The following NLRP9 variants were observed in gnomAD, a reference collection of about 807,000 sequenced individuals.
The protein encoded by NLRP9 is NLR family pyrin domain containing 9, also known as NACHT, LRR and PYD domains-containing protein 9.
A neutral mutation model predicts 83.1 loss-of-function variants in NLRP9; 88 were observed. The observed-to-expected ratio is 1.06, with a 90% CI of 0.89 to 1.26. The LOEUF (loss-of-function observed/expected upper bound fraction) is 1.26. Ranked by LOEUF, NLRP9 falls within the 50% of genes most tolerant of loss-of-function variation. The pLI is 0.00. For missense variants in NLRP9, 1,308 were observed against 1,179.3 expected (o/e 1.11, Z -1.60); for synonymous variants, 521 against 447.6 (o/e 1.16, Z -2.07).
intron 8 of NLRP9, chr19:55,711,533 G>C: frequency 8.1e-7 from 1 of 1,236,832 alleles, no homozygotes; most frequent in Non-Finnish European, 1.1e-6. Context: ...GTCTCCGAGG[G>C]ACTTCTGACA....
rs563979598 is a variant in NLRP9 at position 55,717,112 on chromosome 19, C to A, written c.2160-214G>T. On this transcript the variant is annotated intron_variant, in intron 4 of 8. Coordinates refer to ENST00000332836, the MANE Select transcript of NLRP9 (RefSeq NM_176820.4). ...GCAGTGGTGCGATCTCGGCTCACCG[C>A]AACCTCCACCTCCCGGGTTCAAATG... 2.6e-5 allele frequency among the ~76,000 whole-genome samples: 4 copies of A among 151,554 alleles called. No homozygotes were observed. The East Asian group carries it at 7.8e-4, about 29-fold the overall frequency.
chr19:55,729,100 G>GTCC (rs1988493490), intron 3 of NLRP9, among the ~76,000 whole-genome samples: 1 of 60,382 alleles, frequency 1.7e-5, no homozygotes, highest in Non-Finnish European at 3.1e-5. Context: ...TTTTCTGTCT[G>GTCC]TCCTCAGCAC....
At chr19:55,721,386 G>C (rs374917705) in intron 4 of NLRP9, among the ~76,000 whole-genome samples, 5 of 152,244 alleles carry the variant, frequency 3.3e-5, no homozygotes, top group African/African-American at 1.2e-4. Context: ...ATTAAGGTGT[G>C]GTATCCATAA....
chr19:55,715,543 G>A (rs1987975565), intron 5 of NLRP9, among the ~76,000 whole-genome samples: 1 of 152,142 alleles, frequency 6.6e-6, no homozygotes, highest in South Asian at 2.1e-4. Context: ...AATTAGCCAG[G>A]CATGGTGACG....
rs200243299 is a variant in NLRP9 at position 55,729,976 on chromosome 19, C to T, written c.1849G>A (p.Val617Ile). The T allele has an allele frequency of 1.0e-4, 164 of 1,612,858 alleles. No homozygotes were observed. The highest frequency in any genetic ancestry group is 2.8e-4 in the Admixed American group (17 of 59,650). ...ATTGAGCAAAGCTCCCGCCAGTAGACGAGCTTCTCATTGTAACTATGAGAG... is the reference window on the plus strand; with the variant it reads ...ATTGAGCAAAGCTCCCGCCAGTAGATGAGCTTCTCATTGTAACTATGAGAG... The part of the protein sequence containing the change: ...GCISDYNEKL[V>I]YWRELCSMFI... Residue 617 changes from valine (V) to isoleucine (I), a missense_variant, in exon 3 of 9, where the codon GTC (valine) becomes ATC (isoleucine). Physicochemically the swap from Val to Ile is conservative, Grantham distance 29 (BLOSUM62 3). Transcript: ENST00000332836.
In NLRP9 at chr19:55,711,626, A is replaced by T; in HGVS notation, c.2843+174T>A. On this transcript the variant is annotated intron_variant, in intron 8 of 8. Transcript: ENST00000332836. ...AGAAAGGCCGAGAATGTTGCTTGAC[A>T]TCTTACAATGTCAATGGTTTTTATA... The T allele has an allele frequency of 3.4e-6, 3 of 878,180 alleles. No individual in the cohort carries two copies. The South Asian group carries it at 4.4e-5, about 13-fold the overall frequency. The allele number at this position is 878,180 out of a possible 1,614,324, so 54.4% of individuals were successfully genotyped here.
chr19:55,737,785 T>C (rs1988825020), intron 1 of NLRP9, among the ~76,000 whole-genome samples: 1 of 142,902 alleles, frequency 7.0e-6, no homozygotes, highest in Admixed American at 7.0e-5. Flanking sequence ...ATACTAGAAT[T>C]CCATCTCAGT....
intron 3 of NLRP9, 23 bp from the exon 4 acceptor site, chr19:55,724,167 TA>T: frequency 6.5e-7 from 1 of 1,535,104 alleles, no homozygotes; most frequent in African/African-American, 1.4e-5. Context: ...AAAAAAAAAA[TA>T]GCATCATGCA....
chr19:55,730,455 G>GAA (rs748459490), intron 2 of NLRP9, among the ~76,000 whole-genome samples: 4,306 of 115,356 alleles, frequency 0.037, 66 homozygotes, highest in African/African-American at 0.042. Context: ...CCTGCCTCAA[G>GAA]AAAAAAAAAA....
At chr19:55,719,855 T>C (rs1448998622) in intron 4 of NLRP9, among the ~76,000 whole-genome samples, 3 of 151,744 alleles carry the variant, frequency 2.0e-5, no homozygotes, top group Non-Finnish European at 2.9e-5. Context: ...CCACACACAA[T>C]GGGGGTGGGA....
In NLRP9 at chr19:55,712,429, T is replaced by A. The variant is rs373990608; in HGVS notation, c.2663A>T (p.Glu888Val). Residue 888 changes from glutamate to valine, a missense_variant, in exon 7 of 9, where the codon GAG becomes GTG. Coordinates refer to ENST00000332836, the MANE Select transcript of NLRP9 (RefSeq NM_176820.4). The part of the protein sequence containing the change: ...AALQHPHCKL[E>V]CLGLQTCPIT... Reference sequence around the variant, plus strand: ...ATCAGTAGATACTCACCCGAGACACTCTAATTTACAGTGAGGATGCTGCAA... The same window carrying A: ...ATCAGTAGATACTCACCCGAGACACACTAATTTACAGTGAGGATGCTGCAA... The A allele has an allele frequency of 3.3e-5, 53 of 1,612,272 alleles. No individual in the cohort carries two copies. Among genetic ancestry groups the A allele is most frequent in the Non-Finnish European group, 4.2e-5 (49 of 1,179,558 alleles).
chr19:55,711,568 C>G (rs1987726934), intron 8 of NLRP9: 1 of 1,026,442 alleles, frequency 9.7e-7, no homozygotes, highest in Non-Finnish European at 1.4e-6. Context: ...TTTTGATTGT[C>G]ACAACTGAGG....
At chr19:55,711,441 G>A (rs1987719971) in intron 8 of NLRP9, 39 of 1,302,340 alleles carry the variant, frequency 3.0e-5, no homozygotes, top group Non-Finnish European at 3.9e-5. Flanking sequence ...CCCTTCTGAA[G>A]TCTGAGCTGG....
chr19:55,714,104 T>C (rs994036218), intron 6 of NLRP9, among the ~76,000 whole-genome samples: 2 of 151,372 alleles, frequency 1.3e-5, no homozygotes, highest in African/African-American at 4.9e-5. Flanking sequence ...GGAACAGGGA[T>C]GTTAGAATGC....
At chr19:55,711,154 A>G (rs1987703091) in intron 8 of NLRP9, among the ~76,000 whole-genome samples, 1 of 152,190 alleles carries the variant, frequency 6.6e-6, no homozygotes, top group Admixed American at 6.5e-5. Flanking sequence ...TCTTAGAGAC[A>G]CTAGCATAAT....
chr19:55,724,081 A>C lies in NLRP9; in HGVS notation c.2058T>G (p.His686Gln). The change falls in exon 4 of 9, where the codon CAT (histidine) becomes CAG (glutamine). Residue 686 changes from histidine (H) to glutamine (Q), a missense_variant. Physicochemically the swap from His to Gln is conservative, Grantham distance 24. Coordinates refer to ENST00000332836, the MANE Select transcript of NLRP9 (RefSeq NM_176820.4). ...TGCCGTACAGGCTCAGAAGTTTCAGATGAGGGTTGTGAAGAACTGCCTTAA... is the reference window on the plus strand; with the variant it reads ...TGCCGTACAGGCTCAGAAGTTTCAGCTGAGGGTTGTGAAGAACTGCCTTAA... ...ELFKAVLHNP[H>Q]LKLLSLYGTS... 1 of 1,613,708 alleles carries C rather than the reference A, an allele frequency of 6.2e-7. No individual in the cohort carries two copies. The highest frequency in any genetic ancestry group is 2.2e-5 in the East Asian group (1 of 44,880).
At position 55,711,841 on chromosome 19, in the gene NLRP9, ACACAGCACCACCACTG is replaced by A; in HGVS notation, c.2786_2801del (p.Ala929ValfsTer4). Reference sequence around the variant, plus strand: ...CACAGTCCGGGTGGCTCAATGCCTCACACAGCACCACCACTGCATCAGCATCCAAGGCAATCCAGTC... The same window carrying A: ...CACAGTCCGGGTGGCTCAATGCCTCACATCAGCATCCAAGGCAATCCAGTC... On this transcript the variant is annotated frameshift_variant, in exon 8 of 9. Coordinates refer to ENST00000332836, the MANE Select transcript of NLRP9 (RefSeq NM_176820.4). LOFTEE classifies it low-confidence loss of function (END_TRUNC). The A allele has an allele frequency of 6.2e-7, 1 of 1,613,354 alleles. No individual in the cohort carries two copies. Among genetic ancestry groups the A allele is most frequent in the Non-Finnish European group, 8.5e-7 (1 of 1,179,944 alleles).
In NLRP9 at chr19:55,715,042, T is replaced by A. The variant is rs1405632173; in HGVS notation, c.2501+13A>T. The A allele has an allele frequency of 1.9e-6, 3 of 1,595,532 alleles. No individual in the cohort carries two copies. The highest frequency in any genetic ancestry group is 2.6e-6 in the Non-Finnish European group (3 of 1,172,002). On this transcript the variant is annotated intron_variant, in intron 6 of 8. Transcript: ENST00000332836. ...GAAACCCTGACATTGAAGCAAATCA[T>A]GGCCGGTCCTACCACAGCTCCCGTA... is the stretch of plus-strand genomic sequence containing the variant.
At chr19:55,709,248 A>C in intron 8 of NLRP9, 1 of 376,246 alleles carries the variant, frequency 2.7e-6, no homozygotes, top group Non-Finnish European at 4.7e-6. Context: ...GAAATTTCAT[A>C]TACAGGATGT....
Sources: gnomAD v4.1 joint callset for allele counts (sites outside exome capture counted in the v4.1 genomes callset) on GRCh38, gnomAD v4.1.1 for gene constraint, MANE v1.5 for transcripts, NCBI Gene and HGNC (gene_info 2026-07-23, HGNC 2026-07-21) for gene names.